LOXHD1: variants seen among roughly 807,000 people sequenced by gnomAD.
LOXHD1 encodes lipoxygenase homology PLAT domains 1.
LOXHD1 carries 205 observed loss-of-function variants against 248.2 expected under a neutral mutation model. That is an observed-to-expected ratio of 0.83 (90% CI 0.74 to 0.93). The LOEUF (loss-of-function observed/expected upper bound fraction) is 0.93, where lower values mean the gene tolerates loss of function less well. LOXHD1 is among the 40% of genes least tolerant of loss of function. The pLI, the probability that LOXHD1 is intolerant of heterozygous loss-of-function variation, is 0.00. For missense variants in LOXHD1, 2,930 were observed against 2,971.6 expected (o/e 0.99, Z 0.33); for synonymous variants, 1,113 against 1,162.8 (o/e 0.96, Z 0.87).
At chr18:46,599,906 G>C (rs983016982) in intron 8 of LOXHD1, among the ~76,000 whole-genome samples, 4 of 152,168 alleles carry the variant, frequency 2.6e-5, no homozygotes, top group Admixed American at 2.6e-4. Context: ...TAAAAATTCA[G>C]ACAATATCAA....
intron 18 of LOXHD1, 73 bp from the exon 19 acceptor site, chr18:46,560,618 C>A (rs1248435684): frequency 7.3e-7 from 1 of 1,373,124 alleles, no homozygotes; most frequent in African/African-American, 1.4e-5. Flanking sequence ...CCCCGCCCAA[C>A]AAAGAGCCAG....
At chr18:46,636,550 G>T (rs2038895289) in intron 4 of LOXHD1, among the ~76,000 whole-genome samples, 1 of 152,328 alleles carries the variant, frequency 6.6e-6, no homozygotes, top group South Asian at 2.1e-4. Flanking sequence ...ATGAGAGAAG[G>T]TTCCAGTGAT....
intron 6 of LOXHD1, 129 bp downstream of exon 6, chr18:46,610,647 T>C: frequency 5.6e-6 from 6 of 1,069,996 alleles, no homozygotes; most frequent in Non-Finnish European, 7.7e-6. Flanking sequence ...GCTGGCCATC[T>C]GGCTTAGGTA....
rs1463066757 is a variant in LOXHD1 at position 46,524,855 on chromosome 18, A to G, written c.4593T>C (p.His1531=). ...AGTCTGCGCACCACTTGGAGTTGTC[A>G]TGGCGGAGCTTGATCTTGTAGATGA... ...LGVIYKIKLR[H]DNSKWCADWY... Residue 1531 remains histidine (H), a synonymous_variant, in exon 30 of 41, where the codon CAT becomes CAC. Coordinates refer to ENST00000642948, the MANE Select transcript of LOXHD1 (RefSeq NM_001384474.1). 4 of 1,551,752 alleles carry G rather than the reference A, an allele frequency of 2.6e-6. No homozygotes were observed. Among genetic ancestry groups the G allele is most frequent in the Non-Finnish European group, 3.5e-6 (4 of 1,147,012 alleles).
chr18:46,499,666 GTT>G (rs149862878), intron 37 of LOXHD1, among the ~76,000 whole-genome samples: 2,507 of 152,214 alleles, frequency 0.016, 48 homozygotes, highest in Non-Finnish European at 0.022. Context: ...TGTGGTGTGT[GTT>G]TGTGTGTGTG....
intron 14 of LOXHD1, 106 bp downstream of exon 14, chr18:46,577,601 A>G: frequency 7.6e-7 from 1 of 1,316,134 alleles, no homozygotes; most frequent in Non-Finnish European, 1.0e-6. Context: ...CTATAGCCTT[A>G]AGCCACTGTT....
At chr18:46,487,421 C>T (rs188800441) in intron 38 of LOXHD1, among the ~76,000 whole-genome samples, 22 of 152,268 alleles carry the variant, frequency 1.4e-4, no homozygotes, top group African/African-American at 5.1e-4. Flanking sequence ...TGTTTAGTCT[C>T]GAGACAAGAA....
At chr18:46,532,622 T>C (rs538600352) in intron 28 of LOXHD1, among the ~76,000 whole-genome samples, 1 of 152,238 alleles carries the variant, frequency 6.6e-6, no homozygotes, top group East Asian at 1.9e-4. Flanking sequence ...GAAAACCACA[T>C]TGATGAAGAA....
intron 16 of LOXHD1, 82 bp from the exon 17 acceptor site, chr18:46,566,531 A>G: frequency 8.1e-7 from 1 of 1,230,986 alleles, no homozygotes; most frequent in Non-Finnish European, 1.1e-6. Context: ...CCCAAACACC[A>G]GCACAAAACA....
chr18:46,631,832 GTC>G (rs1222399360), intron 4 of LOXHD1, among the ~76,000 whole-genome samples: 1 of 152,212 alleles, frequency 6.6e-6, no homozygotes, highest in African/African-American at 2.4e-5. Context: ...GCTGTCCGTG[GTC>G]TGGTTTCCAC....
chr18:46,602,444 G>C (rs559699871), intron 7 of LOXHD1, among the ~76,000 whole-genome samples: 1 of 152,158 alleles, frequency 6.6e-6, no homozygotes, highest in Admixed American at 6.5e-5. Context: ...GGCCTCAAGT[G>C]ATCCACCCCC....
intron 21 of LOXHD1, chr18:46,556,625 C>T (rs1368361716): frequency 1.2e-5 from 2 of 162,950 alleles, no homozygotes; most frequent in Non-Finnish European, 2.7e-5. Flanking sequence ...GACATCACAA[C>T]CAGCCCACCC....
At chr18:46,482,485 C>A (rs1253152123) in intron 40 of LOXHD1, among the ~76,000 whole-genome samples, 2 of 152,232 alleles carry the variant, frequency 1.3e-5, no homozygotes, top group African/African-American at 4.8e-5. Flanking sequence ...TGATCTCAGA[C>A]TTCCAGCCTC....
At position 46,477,380 on chromosome 18, in the gene LOXHD1, G is replaced by T. The variant is rs1598793440; in HGVS notation, c.*92C>A. ...TGGACTGCTAGCCCCCAGTGCCAAT[G>T]CTAGAGGCTTTGAAGGGCTGCTGAC... On this transcript the variant is annotated 3_prime_UTR_variant, in exon 41 of 41. Coordinates refer to ENST00000642948, the MANE Select transcript of LOXHD1 (RefSeq NM_001384474.1). 4 of 1,510,952 alleles carry T rather than the reference G, an allele frequency of 2.6e-6. No individual in the cohort carries two copies. In the East Asian group the frequency reaches 9.8e-5, roughly 37 times the overall value. 93.6% of individuals were successfully genotyped at this position (1,510,952 alleles called of 1,614,324 possible).
chr18:46,548,351 G>T (rs1290589209), intron 21 of LOXHD1, among the ~76,000 whole-genome samples: 1 of 152,180 alleles, frequency 6.6e-6, no homozygotes, highest in Admixed American at 6.5e-5. Context: ...CCCTGTCTGA[G>T]TCCCACATTT....
intron 6 of LOXHD1, among the ~76,000 whole-genome samples, chr18:46,607,795 G>C (rs1416465531): frequency 2.0e-5 from 3 of 152,042 alleles, no homozygotes; most frequent in Non-Finnish European, 1.5e-5. Context: ...AGGAGTAAAG[G>C]GGAAGCTGCC....
chr18:46,592,709 C>T (rs1260070057), intron 10 of LOXHD1, 125 bp from the exon 11 acceptor site: 1 of 774,928 alleles, frequency 1.3e-6, no homozygotes, highest in Non-Finnish European at 2.2e-6. Flanking sequence ...GATGGGTTTG[C>T]TTCAATCAAG....
intron 7 of LOXHD1, 81 bp from the exon 8 acceptor site, chr18:46,601,548 A>C (rs1401876450): frequency 2.9e-5 from 44 of 1,539,524 alleles, no homozygotes; most frequent in Non-Finnish European, 2.7e-5. Context: ...CTTCCTGGTT[A>C]CAACACCCCC....
At chr18:46,519,373 A>G (rs2035448489) in intron 33 of LOXHD1, among the ~76,000 whole-genome samples, 1 of 152,134 alleles carries the variant, frequency 6.6e-6, no homozygotes, top group Non-Finnish European at 1.5e-5. Context: ...GCTATTAATC[A>G]CAGCGGTCAT....
Sources: allele counts gnomAD v4.1 joint callset (sites outside exome capture counted in the v4.1 genomes callset), GRCh38; gene constraint gnomAD v4.1.1; transcripts MANE v1.5; gene names NCBI Gene and HGNC (gene_info 2026-07-23, HGNC 2026-07-21).